ZNF724: variants seen among roughly 807,000 people sequenced by gnomAD.
ZNF724 encodes the protein zinc finger protein 724 pseudogene.
A neutral mutation model predicts 29.3 loss-of-function variants in ZNF724; 14 were observed. That is an observed-to-expected ratio of 0.48 (90% confidence interval 0.32 to 0.75). The LOEUF (loss-of-function observed/expected upper bound fraction) is 0.75, where lower values mean the gene tolerates loss of function less well. ZNF724 is among the 30% of genes least tolerant of loss of function. The probability of loss-of-function intolerance (pLI) is 0.04; values close to 1 mark genes in which losing one functional copy is unlikely to be tolerated. For synonymous variants in ZNF724, 180 were observed against 193.6 expected (o/e 0.93, Z 0.58); for missense variants, 557 against 571.2 (o/e 0.98, Z 0.25).
intron 1 of ZNF724, among the ~76,000 whole-genome samples, chr19:23,241,868 TG>T (rs1214512487): frequency 6.6e-6 from 1 of 152,190 alleles, no homozygotes; most frequent in African/African-American, 2.4e-5. Context: ...AACAGAGAAT[TG>T]GAAGTCCTGG....
Position 23,222,912 on chromosome 19 carries a change from T to C in ZNF724, c.1333A>G (p.Thr445Ala), listed in dbSNP as rs1323731067. Residue 445 changes from threonine to alanine, a missense_variant, in exon 4 of 4, where the codon ACT becomes GCT. Physicochemically the swap from Thr to Ala is moderately conservative, Grantham distance 58. This residue lies in a region of ZNF724 where 170 missense variants were observed against 220.7 expected (regional missense o/e 0.77). Coordinates refer to ENST00000418100, the MANE Select transcript of ZNF724 (RefSeq NM_001355404.2). ...TTACATTTGTAGGGTTTCTCTCCAGTATGAATTATCTTATGTGTAGTAAGT... is the reference window on the plus strand; with the variant it reads ...TTACATTTGTAGGGTTTCTCTCCAGCATGAATTATCTTATGTGTAGTAAGT... ...SQLTTHKIIH[T>A]GEKPYKCKEC... 1 of 1,391,296 alleles carries C rather than the reference T, an allele frequency of 7.2e-7. No homozygotes were observed. Among genetic ancestry groups the C allele is most frequent in the Non-Finnish European group, 1.0e-6 (1 of 978,426 alleles). 86.2% of individuals were successfully genotyped at this position (1,391,296 alleles called of 1,614,324 possible).
At chr19:23,224,703 C>T (rs1387448406) in intron 3 of ZNF724, among the ~76,000 whole-genome samples, 2 of 89,096 alleles carry the variant, frequency 2.2e-5, no homozygotes, top group Non-Finnish European at 4.6e-5. Context: ...GGCCTGTAAT[C>T]CCAACACTTT....
rs746273422 is a variant in ZNF724, at chr19:23,222,864, G to A, written c.1381C>T (p.Arg461Trp). 3.2e-5 allele frequency: 44 copies of A among 1,389,730 alleles called. No homozygotes were observed. Among genetic ancestry groups the A allele is most frequent in the African/African-American group, 7.3e-5 (5 of 68,528 alleles). 86.1% of individuals were successfully genotyped at this position (1,389,730 alleles called of 1,614,324 possible). A position where few individuals can be genotyped will look rare whatever the true frequency, so the allele number is the denominator to read the frequency against. ...KCKECGKAFK[R>W]SSNLTEHRII... is the part of the protein sequence containing the mutation. Reference sequence around the variant, plus strand: ...CTATGTTCAGTAAGGTTTGAGGACCGCTTAAAAGCTTTGCCACATTCTTTA... The same window carrying A: ...CTATGTTCAGTAAGGTTTGAGGACCACTTAAAAGCTTTGCCACATTCTTTA... The change falls in exon 4 of 4, where the codon CGG becomes TGG. Residue 461 changes from arginine (R) to tryptophan (W), a missense_variant. Arg to Trp is a moderately radical substitution (Grantham distance 101). This residue lies in a region of ZNF724 where 170 missense variants were observed against 220.7 expected (regional missense o/e 0.77). Coordinates refer to ENST00000418100, the MANE Select transcript of ZNF724 (RefSeq NM_001355404.2).
chr19:23,232,798 A>G (rs1036924990), intron 1 of ZNF724, among the ~76,000 whole-genome samples: 1 of 107,928 alleles, frequency 9.3e-6, no homozygotes, highest in Admixed American at 1.1e-4. Flanking sequence ...CAAACATCCA[A>G]CAAGTGAAAT....
In ZNF724 at chr19:23,245,302, T is replaced by C. The variant is rs142093859; in HGVS notation, c.3+4938A>G. 1.4e-3 allele frequency among the ~76,000 whole-genome samples: 206 copies of C among 152,338 alleles called. 1 individual carries two copies. The highest frequency in any genetic ancestry group is 4.8e-3 in the African/African-American group (201 of 41,580). On this transcript the variant is annotated intron_variant, in intron 1 of 3. Coordinates refer to ENST00000418100, the MANE Select transcript of ZNF724 (RefSeq NM_001355404.2). ...TCTAAGCCAACATACAACCCCATTATATGCTCCTCCTAAGAACATTCTCTG... is the reference window on the plus strand; with the variant it reads ...TCTAAGCCAACATACAACCCCATTACATGCTCCTCCTAAGAACATTCTCTG...
At chr19:23,240,148 T>C (rs895166079) in intron 1 of ZNF724, among the ~76,000 whole-genome samples, 3 of 151,940 alleles carry the variant, frequency 2.0e-5, no homozygotes, top group African/African-American at 7.2e-5. Flanking sequence ...AAACCCCCTC[T>C]GTACTAAAAA....
In ZNF724 at chr19:23,224,514, A is replaced by C. The variant is rs74716489; in HGVS notation, c.227-496T>G. ...AAGAAAAATACACAGACCAAAATAC[A>C]TTTGTGAAAAATTTATAAATGAGTT... On this transcript the variant is annotated intron_variant, in intron 3 of 3. Coordinates refer to ENST00000418100, the MANE Select transcript of ZNF724 (RefSeq NM_001355404.2). Among the ~76,000 whole-genome samples the C allele has an allele frequency of 5.6e-3, 851 of 152,288 alleles. 6 individuals are homozygous for C. Among genetic ancestry groups the C allele is most frequent in the African/African-American group, 0.02 (816 of 41,580 alleles).
rs771471496 is a variant in ZNF724 at position 23,224,063 on chromosome 19, G to A, written c.227-45C>T. The A allele has an allele frequency of 4.9e-6, 3 of 609,004 alleles. No homozygotes were observed. The African/African-American group carries it at 5.6e-5, about 11-fold the overall frequency. 37.7% of individuals were successfully genotyped at this position (609,004 alleles called of 1,614,324 possible). On this transcript the variant is annotated intron_variant, in intron 3 of 3. Coordinates refer to ENST00000418100, the MANE Select transcript of ZNF724 (RefSeq NM_001355404.2). ...CAACTTACTCCACATACTAGACTCAGATACATATTCTTTACACATCTAACC... is the reference window on the plus strand; with the variant it reads ...CAACTTACTCCACATACTAGACTCAAATACATATTCTTTACACATCTAACC...
chr19:23,232,257 AG>A lies in ZNF724; in HGVS notation c.39del (p.Ser14LeufsTer19), dbSNP rs1971949147. The A allele has an allele frequency of 1.6e-6, 2 of 1,275,652 alleles. No individual in the cohort carries two copies. Among genetic ancestry groups the A allele is most frequent in the Non-Finnish European group, 2.3e-6 (2 of 871,844 alleles). The allele number at this position is 1,275,652 out of a possible 1,614,324, so 79.0% of individuals were successfully genotyped here. A position where few individuals can be genotyped will look rare whatever the true frequency, so the allele number is the denominator to read the frequency against. On this transcript the variant is annotated frameshift_variant, in exon 2 of 4. Transcript: ENST00000418100. LOFTEE classifies it high-confidence loss of function. ...TCCAGGCATTGCCACTCCTCCACAG[AG>A]AATTCTATGGCCACATCCATAAATG... ...PLTFMDVAIEFSVEEWQCLDT... is the reference protein window; with the variant it reads ...PLTFMDVAIEXSVEEWQCLDT...
At chr19:23,240,740 T>A (rs1449996548) in intron 1 of ZNF724, among the ~76,000 whole-genome samples, 1,068 of 99,744 alleles carry the variant, frequency 0.011, 8 homozygotes, top group Non-Finnish European at 0.016. Flanking sequence ...AAAAAAAAAA[T>A]GGCAACAGAG....
At chr19:23,233,763 C>T (rs927220825) in intron 1 of ZNF724, among the ~76,000 whole-genome samples, 4 of 150,366 alleles carry the variant, frequency 2.7e-5, no homozygotes, top group South Asian at 2.1e-4. Flanking sequence ...GGAGGCAGGG[C>T]GGATACAGCT....
In ZNF724 at chr19:23,231,313, T is replaced by C. The variant is rs1971930604; in HGVS notation, c.179A>G (p.Lys60Arg). 3.6e-6 allele frequency: 5 copies of C among 1,393,274 alleles called. No homozygotes were observed. Among genetic ancestry groups the C allele is most frequent in the Non-Finnish European group, 5.1e-6 (5 of 981,314 alleles). The allele number at this position is 1,393,274 out of a possible 1,614,324, so 86.3% of individuals were successfully genotyped here. A position where few individuals can be genotyped will look rare whatever the true frequency, so the allele number is the denominator to read the frequency against. ...ATGTCTCTCCATATTCCAGGGCTCTTTGCCTTGCTCCAGACAGGTGATCAG... is the reference window on the plus strand; with the variant it reads ...ATGTCTCTCCATATTCCAGGGCTCTCTGCCTTGCTCCAGACAGGTGATCAG... ...PDLITCLEQG[K>R]EPWNMERHEM... Residue 60 changes from lysine (K) to arginine (R), a missense_variant, in exon 3 of 4, where the codon AAA becomes AGA. Transcript: ENST00000418100.
chr19:23,226,702 A>C (rs1971834249), intron 3 of ZNF724, among the ~76,000 whole-genome samples: 1 of 152,194 alleles, frequency 6.6e-6, no homozygotes, highest in Admixed American at 6.5e-5. Flanking sequence ...AAGACAAAAC[A>C]ACCACTGAAA....
intron 1 of ZNF724, among the ~76,000 whole-genome samples, chr19:23,234,136 GGCCCTGT>G (rs1440073977): frequency 6.6e-6 from 1 of 152,138 alleles, no homozygotes; most frequent in Non-Finnish European, 1.5e-5. Flanking sequence ...AAACAGAACA[GGCCCTGT>G]GACCATCCTT....
intron 1 of ZNF724, among the ~76,000 whole-genome samples, chr19:23,233,153 T>C (rs933650499): frequency 6.6e-6 from 1 of 152,180 alleles, no homozygotes; most frequent in African/African-American, 2.4e-5. Flanking sequence ...TTCAACCATA[T>C]GGAAACATCA....
chr19:23,226,538 T>C (rs1261138256), intron 3 of ZNF724, among the ~76,000 whole-genome samples: 1 of 152,156 alleles, frequency 6.6e-6, no homozygotes, highest in African/African-American at 2.4e-5. Context: ...AACAATTTTG[T>C]AGAAGAAGAA....
At chr19:23,237,560 T>C (rs887791699) in intron 1 of ZNF724, among the ~76,000 whole-genome samples, 1 of 151,954 alleles carries the variant, frequency 6.6e-6, no homozygotes, top group African/African-American at 2.4e-5. Context: ...GACTAAGACA[T>C]TCATCCAAAA....
In ZNF724 at chr19:23,231,247, C is replaced by A. The variant is rs767619420; in HGVS notation, c.226+19G>T. 3.1e-6 allele frequency: 4 copies of A among 1,298,064 alleles called. No individual in the cohort carries two copies. Among genetic ancestry groups the A allele is most frequent in the Non-Finnish European group, 4.4e-6 (4 of 909,802 alleles). 80.4% of individuals were successfully genotyped at this position (1,298,064 alleles called of 1,614,324 possible). A position where few individuals can be genotyped will look rare whatever the true frequency, so the allele number is the denominator to read the frequency against. On this transcript the variant is annotated intron_variant, in intron 3 of 3. Coordinates refer to ENST00000418100, the MANE Select transcript of ZNF724 (RefSeq NM_001355404.2). ...TGGACCTCTCATCTGTGTCATCTGT[C>A]ATATTCACTCTCACCTACCTGGGGG...
At chr19:23,228,897 C>CAA (rs60328213) in intron 3 of ZNF724, among the ~76,000 whole-genome samples, 11 of 114,642 alleles carry the variant, frequency 9.6e-5, no homozygotes, top group Admixed American at 2.7e-4. Flanking sequence ...GCCCCACTTC[C>CAA]AAAAAAAAAA....
Sources: allele counts gnomAD v4.1 joint callset (sites outside exome capture counted in the v4.1 genomes callset), GRCh38; gene constraint gnomAD v4.1.1; regional missense constraint gnomAD v4.1.1; transcripts MANE v1.5; gene names NCBI Gene and HGNC (gene_info 2026-07-23, HGNC 2026-07-21).